CLDN10: variants seen among roughly 807,000 people sequenced by gnomAD.
The protein encoded by CLDN10 is claudin-10.
CLDN10 carries 15 observed loss-of-function variants against 22.9 expected under a neutral mutation model. The observed-to-expected ratio is 0.65, with a 90% CI of 0.44 to 1.01. The LOEUF is 1.01. CLDN10 is among the 50% of genes least tolerant of loss of function. The probability of loss-of-function intolerance (pLI) is 0.00; values close to 1 mark genes in which losing one functional copy is unlikely to be tolerated. For synonymous variants in CLDN10, 114 were observed against 111.4 expected (o/e 1.02, Z -0.15); for missense variants, 247 against 287.8 (o/e 0.86, Z 1.03).
intron 1 of CLDN10, among the ~76,000 whole-genome samples, chr13:95,463,145 T>C (rs2042549974): frequency 6.6e-6 from 1 of 151,668 alleles, no homozygotes; most frequent in South Asian, 2.1e-4. Flanking sequence ...GTTTTGCCCA[T>C]AAGAGCATTT....
At chr13:95,485,818 A>T (rs187229230) in intron 1 of CLDN10, among the ~76,000 whole-genome samples, 1 of 152,360 alleles carries the variant, frequency 6.6e-6, no homozygotes, top group Admixed American at 6.5e-5. Context: ...GCATTGCAGG[A>T]TAAGTGCCTG....
At chr13:95,537,363 C>A (rs958982256) in intron 1 of CLDN10, among the ~76,000 whole-genome samples, 1 of 152,156 alleles carries the variant, frequency 6.6e-6, no homozygotes, top group Non-Finnish European at 1.5e-5. Context: ...CACGGCTCTT[C>A]TTGCGTACAG....
chr13:95,478,645 C>T (rs1034916957), intron 1 of CLDN10, among the ~76,000 whole-genome samples: 4 of 152,302 alleles, frequency 2.6e-5, no homozygotes, highest in East Asian at 1.9e-4. Context: ...TCCTGGGCCA[C>T]GTTCCTCAGC....
At chr13:95,477,551 G>A (rs114982469) in intron 1 of CLDN10, among the ~76,000 whole-genome samples, 3 of 152,304 alleles carry the variant, frequency 2.0e-5, no homozygotes, top group African/African-American at 4.8e-5. Flanking sequence ...GCAGATGCAC[G>A]CGGGGCAGAT....
At chr13:95,435,332 A>G (rs1410691822) in intron 1 of CLDN10, among the ~76,000 whole-genome samples, 1 of 152,240 alleles carries the variant, frequency 6.6e-6, no homozygotes, top group Non-Finnish European at 1.5e-5. Flanking sequence ...GCCCCAGTAA[A>G]GAAAATGAAA....
At position 95,565,390 on chromosome 13, in the gene CLDN10, G is replaced by A. The variant is rs140314051; in HGVS notation, c.464+4927G>A. Among the ~76,000 whole-genome samples, 184 of 152,230 alleles carry A rather than the reference G, an allele frequency of 1.2e-3. 5 individuals carry two copies. The East Asian group carries it at 0.02, about 17-fold the overall frequency. Reference sequence around the variant, plus strand: ...CTGGTTGAGGAAGTAGAACAGAATTGTTGTCTTAGACTTATTCTTTTTTTG... The same window carrying A: ...CTGGTTGAGGAAGTAGAACAGAATTATTGTCTTAGACTTATTCTTTTTTTG... On this transcript the variant is annotated intron_variant, in intron 3 of 4. Transcript: ENST00000299339.
intron 1 of CLDN10, among the ~76,000 whole-genome samples, chr13:95,505,981 C>A (rs1042156342): frequency 5.9e-5 from 9 of 152,096 alleles, no homozygotes; most frequent in Admixed American, 5.9e-4. Flanking sequence ...CTCTGGTGAT[C>A]CACCTGCCTC....
At chr13:95,570,829 T>C (rs146815539) in intron 3 of CLDN10, among the ~76,000 whole-genome samples, 1,321 of 129,352 alleles carry the variant, frequency 0.01, 15 homozygotes, top group Middle Eastern at 0.025. Context: ...TATATATATA[T>C]ACACACACAC....
chr13:95,471,438 C>CATAT (rs1230235422), intron 1 of CLDN10, among the ~76,000 whole-genome samples: 4 of 98,384 alleles, frequency 4.1e-5, no homozygotes, highest in African/African-American at 1.3e-4. Flanking sequence ...CACACACACA[C>CATAT]ACATATATAT....
chr13:95,482,495 T>C (rs2042760398), intron 1 of CLDN10, among the ~76,000 whole-genome samples: 1 of 152,154 alleles, frequency 6.6e-6, no homozygotes, highest in Non-Finnish European at 1.5e-5. Context: ...ATGGGTCTTC[T>C]AGGTGCCCAT....
chr13:95,503,315 G>A (rs537723097), intron 1 of CLDN10, among the ~76,000 whole-genome samples: 1 of 152,284 alleles, frequency 6.6e-6, no homozygotes, highest in African/African-American at 2.4e-5. Flanking sequence ...CTAAACCATG[G>A]AAAGTGGCTA....
intron 1 of CLDN10, among the ~76,000 whole-genome samples, chr13:95,537,380 G>T (rs1259760688): frequency 6.6e-6 from 1 of 152,168 alleles, no homozygotes; most frequent in Non-Finnish European, 1.5e-5. Flanking sequence ...ACAGGAGGCA[G>T]TATGAATTGC....
chr13:95,488,017 G>A (rs941961618), intron 1 of CLDN10, among the ~76,000 whole-genome samples: 3 of 143,624 alleles, frequency 2.1e-5, no homozygotes, highest in East Asian at 2.1e-4. Context: ...ATGGAGTCTC[G>A]CTCTGTCACC....
At chr13:95,525,182 C>T (rs2043268220) in intron 1 of CLDN10, among the ~76,000 whole-genome samples, 1 of 152,070 alleles carries the variant, frequency 6.6e-6, no homozygotes, top group African/African-American at 2.4e-5. Flanking sequence ...TAAATTAAAG[C>T]TATCTTAGTA....
At chr13:95,488,901 A>C (rs1472834259) in intron 1 of CLDN10, among the ~76,000 whole-genome samples, 1 of 150,232 alleles carries the variant, frequency 6.7e-6, no homozygotes, top group African/African-American at 2.4e-5. Context: ...TTCTGGGTAG[A>C]TACCCAGTAG....
intron 1 of CLDN10, among the ~76,000 whole-genome samples, chr13:95,486,810 G>A (rs898745690): frequency 1.3e-5 from 2 of 152,218 alleles, no homozygotes; most frequent in East Asian, 1.9e-4. Flanking sequence ...CACGTTGTGA[G>A]CTCTTTGGGG....
chr13:95,558,252 C>T (rs2043662493), intron 1 of CLDN10, among the ~76,000 whole-genome samples: 1 of 152,172 alleles, frequency 6.6e-6, no homozygotes, highest in Admixed American at 6.5e-5. Context: ...TGACAGGCTT[C>T]CCCTCTCTGT....
At chr13:95,512,516 C>T (rs900485050) in intron 1 of CLDN10, among the ~76,000 whole-genome samples, 11 of 152,128 alleles carry the variant, frequency 7.2e-5, no homozygotes, top group African/African-American at 2.4e-4. Context: ...AGGGGGATAG[C>T]GAGTGTTTTA....
At position 95,560,174 on chromosome 13, in the gene CLDN10, G is replaced by GC; in HGVS notation, c.265dup (p.Leu89ProfsTer23). On this transcript the variant is annotated frameshift_variant, in exon 2 of 5. Transcript: ENST00000299339. LOFTEE classifies it high-confidence loss of function. ...AGAGGACTTATGATCGCTGCTGTCAGCCTGGGCTTCTTTGGTTCCATATTT... is the reference window on the plus strand; with the variant it reads ...AGAGGACTTATGATCGCTGCTGTCAGCCCTGGGCTTCTTTGGTTCCATATTT... 2.5e-6 allele frequency: 4 copies of GC among 1,614,188 alleles called. No individual in the cohort carries two copies. Among genetic ancestry groups the GC allele is most frequent in the Non-Finnish European group, 3.4e-6 (4 of 1,180,006 alleles).
Sources: gnomAD v4.1 joint callset for allele counts (sites outside exome capture counted in the v4.1 genomes callset) on GRCh38, gnomAD v4.1.1 for gene constraint, MANE v1.5 for transcripts, NCBI Gene and HGNC (gene_info 2026-07-23, HGNC 2026-07-21) for gene names.